The following HNRNPM variants were observed in gnomAD, a reference collection of about 807,000 sequenced individuals.
HNRNPM encodes CEA receptor.
HNRNPM carries 11 observed loss-of-function variants against 73.1 expected under a neutral mutation model. The ratio of observed to expected loss-of-function variants is 0.15; its 90% CI spans 0.09 to 0.25. The LOEUF is 0.25. HNRNPM is among the 10% of genes least tolerant of loss of function. The probability of loss-of-function intolerance (pLI) is 1.00; values close to 1 mark genes in which losing one functional copy is unlikely to be tolerated. For synonymous variants in HNRNPM, 407 were observed against 355.2 expected (o/e 1.15, Z -1.64); for missense variants, 789 against 1,067.9 (o/e 0.74, Z 3.64).
In HNRNPM at chr19:8,488,485, C is replaced by T. The variant is rs951394953; in HGVS notation, c.2030-206C>T. 36 of 452,348 alleles carry T rather than the reference C, an allele frequency of 8.0e-5. No homozygotes were observed. The East Asian group carries it at 9.3e-4, about 12-fold the overall frequency. 28.0% of individuals were successfully genotyped at this position (452,348 alleles called of 1,614,324 possible). ...GAAGCGTAAAGGCGTGCATTGAATC[C>T]GCCAGGAAGGCTTTTCATGGGGCAG... On this transcript the variant is annotated intron_variant, in intron 15 of 15. Coordinates refer to ENST00000325495, the MANE Select transcript of HNRNPM (RefSeq NM_005968.5).
chr19:8,486,875 A>G lies in HNRNPM; in HGVS notation c.1978-149A>G, dbSNP rs560546579. 49 of 721,788 alleles carry G rather than the reference A, an allele frequency of 6.8e-5. 1 individual carries two copies. In the East Asian group the frequency reaches 1.1e-3, roughly 17 times the overall value. 44.7% of individuals were successfully genotyped at this position (721,788 alleles called of 1,614,324 possible). A position where few individuals can be genotyped will look rare whatever the true frequency, so the allele number is the denominator to read the frequency against. On this transcript the variant is annotated intron_variant, in intron 14 of 15. Transcript: ENST00000325495. ...TCACAGCCTTGTCCCACATGTATCT[A>G]TTAGTTTCCTGCTGATCGCCTCAGT...
intron 9 of HNRNPM, 45 bp downstream of exon 9, chr19:8,468,879 C>T (rs1969943961): frequency 5.6e-6 from 8 of 1,433,732 alleles, no homozygotes; most frequent in South Asian, 1.1e-5. Context: ...ATTGGAGTTA[C>T]ACTAATAAAC....
At chr19:8,475,377 G>A (rs1458243999) in intron 12 of HNRNPM, among the ~76,000 whole-genome samples, 6 of 152,212 alleles carry the variant, frequency 3.9e-5, no homozygotes, top group South Asian at 2.1e-4. Flanking sequence ...CCCCTTCACT[G>A]CAGGAAAGCT....
Position 8,485,655 on chromosome 19 carries a change from C to A in HNRNPM, c.1227C>A (p.Asp409Glu). The A allele has an allele frequency of 6.2e-7, 1 of 1,607,688 alleles. No homozygotes were observed. The highest frequency in any genetic ancestry group is 8.5e-7 in the Non-Finnish European group (1 of 1,179,282). Reference protein sequence around the residue: ...PGIERMGPGIDRLGGAGMERM... With the variant: ...PGIERMGPGIERLGGAGMERM... ...TCGAGAGGATGGGTCCTGGCATTGA[C>A]CGCCTCGGGGGTGCCGGCATGGAGC... Residue 409 changes from aspartate (D) to glutamate (E), a missense_variant, in exon 14 of 16, where the codon GAC (aspartate) becomes GAA (glutamate). Coordinates refer to ENST00000325495, the MANE Select transcript of HNRNPM (RefSeq NM_005968.5).
Position 8,465,266 on chromosome 19 carries a change from A to G in HNRNPM, c.439-58A>G, listed in dbSNP as rs369752796. 1.0e-5 allele frequency: 14 copies of G among 1,334,578 alleles called. No individual in the cohort carries two copies. In the African/African-American group the frequency reaches 2.1e-4, roughly 20 times the overall value. The allele number at this position is 1,334,578 out of a possible 1,614,324, so 82.7% of individuals were successfully genotyped here. ...TCTTGAGAATATCATTTACTGTGCA[A>G]GCATGGTTTGCGTTGTACTGGGTCA... On this transcript the variant is annotated intron_variant, in intron 5 of 15. Coordinates refer to ENST00000325495, the MANE Select transcript of HNRNPM (RefSeq NM_005968.5).
At chr19:8,473,813 T>G in intron 11 of HNRNPM, 105 bp downstream of exon 11, 2 of 796,754 alleles carry the variant, frequency 2.5e-6, no homozygotes, top group Non-Finnish European at 4.1e-6. Context: ...TCTCTTTGGT[T>G]TCAGTTTGAG....
chr19:8,488,950 T>G lies in HNRNPM; in HGVS notation c.*96T>G. 8.5e-7 allele frequency: 1 copy of G among 1,178,102 alleles called. No individual in the cohort carries two copies. Among genetic ancestry groups the G allele is most frequent in the Non-Finnish European group, 1.2e-6 (1 of 843,046 alleles). The allele number at this position is 1,178,102 out of a possible 1,614,324, so 73.0% of individuals were successfully genotyped here. A position where few individuals can be genotyped will look rare whatever the true frequency, so the allele number is the denominator to read the frequency against. On this transcript the variant is annotated 3_prime_UTR_variant, in exon 16 of 16. Coordinates refer to ENST00000325495, the MANE Select transcript of HNRNPM (RefSeq NM_005968.5). ...TGTTGGCTGGATGTATAAAGATGTT[T>G]AAAAAATTCAGTTGCTTTTTGGGGT...
intron 2 of HNRNPM, among the ~76,000 whole-genome samples, chr19:8,461,798 A>G (rs1969417629): frequency 6.6e-6 from 1 of 152,194 alleles, no homozygotes; most frequent in Non-Finnish European, 1.5e-5. Context: ...GAGAATCCAG[A>G]TGCTGCTCTG....
At chr19:8,466,023 G>T (rs1969720090) in intron 6 of HNRNPM, among the ~76,000 whole-genome samples, 1 of 152,202 alleles carries the variant, frequency 6.6e-6, no homozygotes, top group Admixed American at 6.5e-5. Context: ...TCTGAGAAAA[G>T]AGACAATATA....
chr19:8,479,772 A>AT (rs869126042), intron 12 of HNRNPM, among the ~76,000 whole-genome samples: 888 of 41,690 alleles, frequency 0.021, 38 homozygotes, highest in African/African-American at 0.071. Flanking sequence ...AAAAAAAAAA[A>AT]TTTTTTTTTT....
chr19:8,445,142 A>C, intron 1 of HNRNPM, 31 bp downstream of exon 1: 1 of 1,364,228 alleles, frequency 7.3e-7, no homozygotes, highest in Non-Finnish European at 9.5e-7. Flanking sequence ...TGCCACGGGT[A>C]AGGGTTCCTC....
In HNRNPM at chr19:8,462,151, T is replaced by C. The variant is rs1969446221; in HGVS notation, c.284-378T>C. 4.9e-6 allele frequency: 1 copy of C among 202,304 alleles called. No homozygotes were observed. Among genetic ancestry groups the C allele is most frequent in the Non-Finnish European group, 1.0e-5 (1 of 97,372 alleles). 12.5% of individuals were successfully genotyped at this position (202,304 alleles called of 1,614,324 possible). Reference sequence around the variant, plus strand: ...CATCGCAATTTGTATGCATTTCACCTGCTTGCCACCAATGAGAGCGTATGT... The same window carrying C: ...CATCGCAATTTGTATGCATTTCACCCGCTTGCCACCAATGAGAGCGTATGT... On this transcript the variant is annotated intron_variant, in intron 2 of 15. Coordinates refer to ENST00000325495, the MANE Select transcript of HNRNPM (RefSeq NM_005968.5). This position sits in a 1 kb window ranked among gnomAD's most constrained non-coding sequence, Gnocchi z 4.5.
rs185304866 is a variant in HNRNPM at position 8,485,804 on chromosome 19, C to T, written c.1376C>T (p.Pro459Leu). Residue 459 changes from proline (P) to leucine (L), a missense_variant, in exon 14 of 16, where the codon CCG becomes CTG. Physicochemically the swap from Pro to Leu is moderately conservative, Grantham distance 98. Around this residue, in one of 4 missense-constraint regions of HNRNPM, gnomAD observed 604 missense variants for 744.0 expected, o/e 0.81. Coordinates refer to ENST00000325495, the MANE Select transcript of HNRNPM (RefSeq NM_005968.5). ...GGCTCCGGCATTGAGCGCATGGGCC[C>T]GCTGGGCCTCGACCACATGGCCTCC... ...RMGSGIERMG[P>L]LGLDHMASSI... 5 of 1,601,624 alleles carry T rather than the reference C, an allele frequency of 3.1e-6. No homozygotes were observed. The highest frequency in any genetic ancestry group is 2.2e-5 in the East Asian group (1 of 44,638).
At chr19:8,457,951 C>T (rs1969136964) in intron 2 of HNRNPM, among the ~76,000 whole-genome samples, 1 of 152,174 alleles carries the variant, frequency 6.6e-6, no homozygotes, top group Non-Finnish European at 1.5e-5. Context: ...CACTCTTTAT[C>T]AGTCTGTGTT....
At chr19:8,475,161 A>G (rs1018620540) in intron 12 of HNRNPM, among the ~76,000 whole-genome samples, 3 of 152,260 alleles carry the variant, frequency 2.0e-5, no homozygotes, top group African/African-American at 7.2e-5. Context: ...GCCTAGGTCA[A>G]GTGACTGGTA....
intron 1 of HNRNPM, among the ~76,000 whole-genome samples, chr19:8,449,173 G>A (rs953457804): frequency 6.6e-6 from 1 of 152,144 alleles, no homozygotes; most frequent in African/African-American, 2.4e-5. Flanking sequence ...TAGAAGACAG[G>A]GTTTTGGATT....
intron 1 of HNRNPM, among the ~76,000 whole-genome samples, chr19:8,448,867 C>T (rs1599740979): frequency 6.6e-6 from 1 of 151,988 alleles, no homozygotes; most frequent in East Asian, 1.9e-4. Flanking sequence ...GGGTAGATTC[C>T]TGAGGAGGTA....
At chr19:8,445,436 T>G in intron 1 of HNRNPM, 6 of 228,010 alleles carry the variant, frequency 2.6e-5, no homozygotes, top group Non-Finnish European at 5.1e-5. Context: ...CTCCGAGGCC[T>G]ACCCGACCGC....
chr19:8,485,583 G>A lies in HNRNPM; in HGVS notation c.1175-20G>A. ...ACTCAAGTTCTTGACACCCACCTGT[G>A]TTTTGTGTCCCTGTTTCAGGTGGAG... On this transcript the variant is annotated intron_variant, in intron 13 of 15. Coordinates refer to ENST00000325495, the MANE Select transcript of HNRNPM (RefSeq NM_005968.5). 3 of 1,590,558 alleles carry A rather than the reference G, an allele frequency of 1.9e-6. No homozygotes were observed. The highest frequency in any genetic ancestry group is 1.7e-6 in the Non-Finnish European group (2 of 1,170,988).
Sources: gnomAD v4.1 joint callset for allele counts (sites outside exome capture counted in the v4.1 genomes callset) on GRCh38, gnomAD v4.1.1 for gene constraint, gnomAD v4.1.1 regional missense constraint, Gnocchi (gnomAD v3.1) non-coding constraint, MANE v1.5 for transcripts, NCBI Gene and HGNC (gene_info 2026-07-23, HGNC 2026-07-21) for gene names.